The following INVS variants were observed in gnomAD, a reference collection of about 807,000 sequenced individuals.
The protein encoded by INVS is inversion of embryo turning homolog.
A neutral mutation model predicts 108.8 loss-of-function variants in INVS; 86 were observed. That is an observed-to-expected ratio of 0.79 (90% CI 0.66 to 0.95). INVS has a LOEUF of 0.95. Among genes scored for constraint, INVS ranks in the 40% least tolerant of loss-of-function variants. INVS has a pLI of 0.00. For missense variants in INVS, 1,169 were observed against 1,297.4 expected (o/e 0.90, Z 1.52); for synonymous variants, 455 against 473.5 (o/e 0.96, Z 0.51).
chr9:100,100,962 TATA>T (rs1359379323), intron 1 of INVS, among the ~76,000 whole-genome samples: 15 of 41,976 alleles, frequency 3.6e-4, no homozygotes, highest in East Asian at 2.9e-3. Context: ...ATATTATATA[TATA>T]ATATATATTA....
Position 100,253,117 on chromosome 9 carries a change from C to T in INVS, c.1445C>T (p.Pro482Leu). 1 of 1,612,916 alleles carries T rather than the reference C, an allele frequency of 6.2e-7. No homozygotes were observed. Among genetic ancestry groups the T allele is most frequent in the Non-Finnish European group, 8.5e-7 (1 of 1,179,092 alleles). Residue 482 changes from proline (P) to leucine (L), a missense_variant, in exon 10 of 17, where the codon CCT becomes CTT. By Grantham distance (98) the Pro-to-Leu change is moderately conservative. Around this residue, in one of 3 missense-constraint regions of INVS, gnomAD observed 271 missense variants for 363.8 expected, o/e 0.74. Transcript: ENST00000262457. The part of the protein sequence containing the change: ...MAVLMENNAD[P>L]NIQDKEGRTA... ...GTTCTCATGGAAAACAATGCAGACC[C>T]TAACATTCAAGACAAAGAGGTAGAA...
At chr9:100,268,562 A>C (rs993932089) in intron 11 of INVS, among the ~76,000 whole-genome samples, 1 of 152,196 alleles carries the variant, frequency 6.6e-6, no homozygotes. Context: ...AGGAGTTCCG[A>C]GATTAGCTAT....
intron 3 of INVS, among the ~76,000 whole-genome samples, chr9:100,185,067 C>T (rs1830012505): frequency 6.6e-6 from 1 of 152,122 alleles, no homozygotes; most frequent in African/African-American, 2.4e-5. Context: ...GCTGTCCTTT[C>T]AGGAAGGACA....
chr9:100,259,084 C>G (rs894560973), intron 10 of INVS, among the ~76,000 whole-genome samples: 1 of 152,164 alleles, frequency 6.6e-6, no homozygotes, highest in Non-Finnish European at 1.5e-5. Context: ...GCTTCCTGGC[C>G]GGCCGCTTTG....
intron 11 of INVS, among the ~76,000 whole-genome samples, chr9:100,268,293 T>G (rs1043074803): frequency 6.6e-5 from 10 of 152,352 alleles, no homozygotes; most frequent in African/African-American, 2.4e-4. Flanking sequence ...ATTCATTTTC[T>G]TAATTACTAC....
intron 7 of INVS, among the ~76,000 whole-genome samples, chr9:100,244,221 A>C (rs1435583370): frequency 6.6e-6 from 1 of 152,168 alleles, no homozygotes; most frequent in Non-Finnish European, 1.5e-5. Flanking sequence ...AGTTTTGACA[A>C]ATCATTATCT....
At chr9:100,240,587 T>C (rs949519797) in intron 6 of INVS, among the ~76,000 whole-genome samples, 2 of 152,170 alleles carry the variant, frequency 1.3e-5, no homozygotes, top group African/African-American at 4.8e-5. Flanking sequence ...GATATTTGAG[T>C]TTTTTTCTTT....
At chr9:100,161,997 G>A (rs1829206503) in intron 3 of INVS, among the ~76,000 whole-genome samples, 1 of 152,154 alleles carries the variant, frequency 6.6e-6, no homozygotes, top group African/African-American at 2.4e-5. Flanking sequence ...CTTCCTGCAA[G>A]GAGCATCTCA....
intron 3 of INVS, among the ~76,000 whole-genome samples, chr9:100,224,004 T>C (rs1489886982): frequency 6.6e-6 from 1 of 151,948 alleles, no homozygotes. Flanking sequence ...TCTTCGGCCA[T>C]ACATAAAATA....
intron 3 of INVS, among the ~76,000 whole-genome samples, chr9:100,153,946 T>A (rs1828885873): frequency 6.6e-6 from 1 of 152,214 alleles, no homozygotes; most frequent in Non-Finnish European, 1.5e-5. Context: ...TCAACATGAA[T>A]TTTGGAGGGA....
chr9:100,155,680 G>A (rs1363011739), intron 3 of INVS, among the ~76,000 whole-genome samples: 2 of 152,170 alleles, frequency 1.3e-5, no homozygotes, highest in Non-Finnish European at 2.9e-5. Context: ...TGCAGTCCTG[G>A]TAGGAAACAT....
chr9:100,099,495 C>T (rs1440025027), intron 1 of INVS, 79 bp downstream of exon 1: 1 of 152,578 alleles, frequency 6.6e-6, no homozygotes, highest in Non-Finnish European at 1.5e-5. Context: ...AGACTCACGG[C>T]CTTCCTGGCC....
chr9:100,181,137 T>C (rs1829875791), intron 3 of INVS, among the ~76,000 whole-genome samples: 1 of 152,128 alleles, frequency 6.6e-6, no homozygotes, highest in Non-Finnish European at 1.5e-5. Flanking sequence ...CTCAAAATAA[T>C]AAGACCTACT....
At chr9:100,219,448 A>G (rs1325308757) in intron 3 of INVS, among the ~76,000 whole-genome samples, 1 of 152,170 alleles carries the variant, frequency 6.6e-6, no homozygotes. Flanking sequence ...TCTATTAAAA[A>G]ACAAAACAAA....
intron 3 of INVS, among the ~76,000 whole-genome samples, chr9:100,133,792 CACACACACACACAT>C (rs1350016382): frequency 2.6e-5 from 4 of 151,566 alleles, no homozygotes; most frequent in African/African-American, 7.3e-5. Flanking sequence ...CACACACACA[CACACACACACACAT>C]ACACACATCC....
chr9:100,161,388 A>AC (rs1554718618), intron 3 of INVS, among the ~76,000 whole-genome samples: 4 of 139,044 alleles, frequency 2.9e-5, no homozygotes, highest in African/African-American at 8.8e-5. Flanking sequence ...AAAAAAAAAA[A>AC]AAAACCTCAT....
At chr9:100,144,711 A>T (rs1828546583) in intron 3 of INVS, among the ~76,000 whole-genome samples, 1 of 151,948 alleles carries the variant, frequency 6.6e-6, no homozygotes, top group South Asian at 2.1e-4. Context: ...AGGGTGGAGG[A>T]GCTGAGGCTG....
intron 12 of INVS, among the ~76,000 whole-genome samples, chr9:100,276,872 C>T (rs1290295577): frequency 6.6e-6 from 1 of 152,178 alleles, no homozygotes; most frequent in Non-Finnish European, 1.5e-5. Flanking sequence ...CTTCCACTTA[C>T]ATTTCTAAGT....
At chr9:100,241,268 T>C (rs1409074988) in intron 6 of INVS, among the ~76,000 whole-genome samples, 1 of 152,186 alleles carries the variant, frequency 6.6e-6, no homozygotes, top group Admixed American at 6.5e-5. Context: ...CTTGGCAAAT[T>C]TGTCTCCATG....
Sources: gnomAD v4.1 joint callset for allele counts (sites outside exome capture counted in the v4.1 genomes callset) on GRCh38, gnomAD v4.1.1 for gene constraint, gnomAD v4.1.1 regional missense constraint, MANE v1.5 for transcripts, NCBI Gene and HGNC (gene_info 2026-07-23, HGNC 2026-07-21) for gene names.